TMOD1: variants seen among roughly 807,000 people sequenced by gnomAD.
TMOD1 encodes tropomodulin 1.
In TMOD1, 17 loss-of-function variants were observed where a neutral mutation model predicts 40.6. That is an observed-to-expected ratio of 0.42 (90% CI 0.29 to 0.63). The LOEUF (loss-of-function observed/expected upper bound fraction) is 0.63, where lower values mean the gene tolerates loss of function less well. Among genes scored for constraint, TMOD1 ranks in the 20% least tolerant of loss-of-function variants. TMOD1 has a pLI of 0.22. For synonymous variants in TMOD1, 181 were observed against 175.0 expected (o/e 1.03, Z -0.27); for missense variants, 391 against 447.6 (o/e 0.87, Z 1.14).
chr9:97,514,287 T>C (rs1225364047), intron 1 of TMOD1, among the ~76,000 whole-genome samples: 2 of 150,872 alleles, frequency 1.3e-5, no homozygotes, highest in East Asian at 1.9e-4. Flanking sequence ...TTTTTTTTTT[T>C]TTGTATTTTT....
chr9:97,581,213 C>T (rs1825745785), intron 8 of TMOD1, among the ~76,000 whole-genome samples: 1 of 129,954 alleles, frequency 7.7e-6, no homozygotes, highest in South Asian at 2.5e-4. Flanking sequence ...TCTCATTGTT[C>T]AATTCCCACC....
chr9:97,546,029 T>C (rs949713131), intron 2 of TMOD1, among the ~76,000 whole-genome samples, 156 bp from the exon 3 acceptor site: 5 of 152,182 alleles, frequency 3.3e-5, no homozygotes, highest in Non-Finnish European at 7.3e-5. Context: ...GATTCCTTAC[T>C]TGTAAAACGA....
chr9:97,576,624 G>A lies in TMOD1; in HGVS notation c.870+7587G>A, dbSNP rs1488678010. ...AGAAACACAACTCATTGGCCATGAT[G>A]GTTACTTTTTTTTTTTTTTCTTTTT... On this transcript the variant is annotated intron_variant, in intron 8 of 9. Coordinates refer to ENST00000259365, the MANE Select transcript of TMOD1 (RefSeq NM_003275.4). Among the ~76,000 whole-genome samples, 3 of 144,012 alleles carry A rather than the reference G, an allele frequency of 2.1e-5. No individual in the cohort carries two copies. The Admixed American group carries it at 2.1e-4, about 10-fold the overall frequency. 94.5% of individuals were successfully genotyped at this position (144,012 alleles called of 152,430 possible).
At chr9:97,538,797 C>G (rs576059723) in intron 2 of TMOD1, among the ~76,000 whole-genome samples, 33 of 151,722 alleles carry the variant, frequency 2.2e-4, no homozygotes, top group Non-Finnish European at 4.0e-4. Context: ...GAGTTTGACA[C>G]CAGCCTGGCC....
intron 8 of TMOD1, among the ~76,000 whole-genome samples, chr9:97,571,425 T>C (rs913727757): frequency 3.9e-5 from 6 of 152,214 alleles, no homozygotes; most frequent in Non-Finnish European, 7.3e-5. Flanking sequence ...TATAAGAATC[T>C]CTGCTCCTAA....
At chr9:97,504,762 A>G (rs768580559) in intron 1 of TMOD1, among the ~76,000 whole-genome samples, 2 of 152,152 alleles carry the variant, frequency 1.3e-5, no homozygotes, top group East Asian at 1.9e-4. Flanking sequence ...AAATGACATC[A>G]TCTATCGATG....
At chr9:97,546,125 A>ACTCTCTCTTTCT in intron 2 of TMOD1, 60 bp from the exon 3 acceptor site, 1 of 1,533,284 alleles carries the variant, frequency 6.5e-7, no homozygotes, top group East Asian at 2.3e-5. Flanking sequence ...GCAGCTGACC[A>ACTCTCTCTTTCT]CTCTCTCTTT....
At chr9:97,591,247 A>T in intron 8 of TMOD1, 44 bp from the exon 9 acceptor site, 1 of 1,544,050 alleles carries the variant, frequency 6.5e-7, no homozygotes, top group Non-Finnish European at 8.7e-7. Context: ...ACATGGAATG[A>T]GTGGTGATTT....
chr9:97,550,911 G>A (rs1031355001), intron 3 of TMOD1, among the ~76,000 whole-genome samples: 10 of 148,966 alleles, frequency 6.7e-5, no homozygotes, highest in East Asian at 3.9e-4. Context: ...TTTGTTGCTC[G>A]TGTTTTTGTT....
chr9:97,516,033 A>G (rs546226819), intron 1 of TMOD1, among the ~76,000 whole-genome samples: 57 of 151,996 alleles, frequency 3.8e-4, no homozygotes, highest in African/African-American at 1.4e-3. Flanking sequence ...GCCCCCTCAA[A>G]CTTCCATTAC....
intron 2 of TMOD1, among the ~76,000 whole-genome samples, chr9:97,538,299 A>G (rs1830217270): frequency 1.3e-5 from 2 of 152,206 alleles, no homozygotes; most frequent in Non-Finnish European, 2.9e-5. Flanking sequence ...GCAAATTTCC[A>G]ATTGTTAAAT....
At chr9:97,567,993 A>G (rs958393467) in intron 7 of TMOD1, among the ~76,000 whole-genome samples, 3 of 151,616 alleles carry the variant, frequency 2.0e-5, no homozygotes, top group African/African-American at 7.3e-5. Context: ...CATTTCCTTC[A>G]GAGGCTCTGA....
intron 7 of TMOD1, among the ~76,000 whole-genome samples, chr9:97,568,587 G>C (rs190127157): frequency 2.0e-5 from 3 of 152,194 alleles, no homozygotes; most frequent in African/African-American, 7.2e-5. Context: ...GGAAAGCACC[G>C]AGCAGGCATG....
chr9:97,503,694 G>A (rs1269372481), intron 1 of TMOD1, among the ~76,000 whole-genome samples: 1 of 152,158 alleles, frequency 6.6e-6, no homozygotes, highest in Non-Finnish European at 1.5e-5. Context: ...AGGGTAGGGC[G>A]TTTTCTTGCA....
intron 3 of TMOD1, among the ~76,000 whole-genome samples, chr9:97,548,394 A>G (rs189873340): frequency 2.6e-5 from 4 of 152,310 alleles, no homozygotes; most frequent in Admixed American, 2.0e-4. Flanking sequence ...CCTAAGGGGC[A>G]TCTAGATTAT....
chr9:97,553,220 G>C (rs1830479271), intron 3 of TMOD1, 61 bp from the exon 4 acceptor site: 8 of 1,608,906 alleles, frequency 5.0e-6, no homozygotes, highest in Non-Finnish European at 5.9e-6. Context: ...CAGGGCTGTG[G>C]GTCCACCAGA....
At chr9:97,562,637 C>A in intron 4 of TMOD1, 95 bp from the exon 5 acceptor site, 1 of 831,778 alleles carries the variant, frequency 1.2e-6, no homozygotes, top group Non-Finnish European at 1.8e-6. Flanking sequence ...CTTGCCATTT[C>A]TGTGAGCCAG....
chr9:97,523,993 C>A, intron 1 of TMOD1, 148 bp from the exon 2 acceptor site: 1 of 507,800 alleles, frequency 2.0e-6, no homozygotes, highest in East Asian at 3.4e-5. Context: ...GAGAATTAGC[C>A]AAACTTAGTG....
chr9:97,519,170 A>T (rs1829877230), intron 1 of TMOD1, among the ~76,000 whole-genome samples: 1 of 152,170 alleles, frequency 6.6e-6, no homozygotes, highest in Non-Finnish European at 1.5e-5. Flanking sequence ...CCCGTGAAAG[A>T]TTTAAAAGAG....
Sources: allele counts gnomAD v4.1 joint callset (sites outside exome capture counted in the v4.1 genomes callset), GRCh38; gene constraint gnomAD v4.1.1; transcripts MANE v1.5; gene names NCBI Gene and HGNC (gene_info 2026-07-23, HGNC 2026-07-21).